KIAA0753: variants seen among roughly 807,000 people sequenced by gnomAD.
KIAA0753 encodes KIAA0753.
KIAA0753 carries 114 observed loss-of-function variants against 116.9 expected under a neutral mutation model. The observed-to-expected ratio is 0.98, with a 90% CI of 0.84 to 1.14. The LOEUF is 1.14. Ranked by LOEUF, KIAA0753 falls within the 50% of genes most tolerant of loss-of-function variation. KIAA0753 has a pLI of 0.00. For synonymous variants in KIAA0753, 405 were observed against 413.1 expected (o/e 0.98, Z 0.24); for missense variants, 1,156 against 1,172.4 (o/e 0.99, Z 0.20).
chr17:6,620,791 C>A lies in KIAA0753; in HGVS notation c.1312G>T (p.Ala438Ser). The A allele has an allele frequency of 6.2e-7, 1 of 1,614,014 alleles. No individual in the cohort carries two copies. Among genetic ancestry groups the A allele is most frequent in the South Asian group, 1.1e-5 (1 of 91,078 alleles). Residue 438 changes from alanine to serine, a missense_variant, in exon 7 of 19, where the codon GCC becomes TCC. Ala to Ser is a moderately conservative substitution (Grantham distance 99). Coordinates refer to ENST00000361413, the MANE Select transcript of KIAA0753 (RefSeq NM_014804.3). ...ATAAACACTTTAAGACACATACCGG[C>A]AAGAAGCTGCTTTGCTACAGAAGGT... Reference protein sequence around the residue: ...SRPSVAKQLLADKYQPDTELP... With the variant: ...SRPSVAKQLLSDKYQPDTELP...
At chr17:6,631,210 G>A (rs1479762226) in intron 2 of KIAA0753, among the ~76,000 whole-genome samples, 1 of 152,098 alleles carries the variant, frequency 6.6e-6, no homozygotes, top group Non-Finnish European at 1.5e-5. Context: ...TCTCAGATAA[G>A]TAACATAACC....
intron 5 of KIAA0753, 142 bp downstream of exon 5, chr17:6,623,367 T>C (rs1171171192): frequency 8.5e-6 from 6 of 706,412 alleles, no homozygotes; most frequent in Non-Finnish European, 1.2e-5. Flanking sequence ...ATTCAGAATA[T>C]GTAAGGTGCT....
At chr17:6,627,475 C>A (rs2150904843) in intron 3 of KIAA0753, among the ~76,000 whole-genome samples, 1 of 152,258 alleles carries the variant, frequency 6.6e-6, no homozygotes, top group Non-Finnish European at 1.5e-5. Context: ...AATCTGAAAG[C>A]TGGGCTTGGT....
chr17:6,607,992 C>A (rs1970299189), intron 10 of KIAA0753, among the ~76,000 whole-genome samples: 1 of 152,212 alleles, frequency 6.6e-6, no homozygotes, highest in Non-Finnish European at 1.5e-5. Context: ...TAGTTAATTA[C>A]ATAACTTCTC....
At chr17:6,583,674 CT>C (rs1469606469) in intron 18 of KIAA0753, among the ~76,000 whole-genome samples, 1 of 152,156 alleles carries the variant, frequency 6.6e-6, no homozygotes, top group South Asian at 2.1e-4. Flanking sequence ...GAAACTTTAT[CT>C]TTCATTCTAG....
intron 18 of KIAA0753, among the ~76,000 whole-genome samples, chr17:6,585,476 T>C (rs953232101): frequency 6.6e-6 from 1 of 152,204 alleles, no homozygotes; most frequent in Non-Finnish European, 1.5e-5. Flanking sequence ...TGCTCCTTTT[T>C]CCTTTTTCCC....
intron 16 of KIAA0753, among the ~76,000 whole-genome samples, chr17:6,594,288 C>CA (rs1555524856): frequency 5.3e-5 from 7 of 133,072 alleles, no homozygotes; most frequent in African/African-American, 2.0e-4. Flanking sequence ...CCCCCCCCCC[C>CA]AGAACTATAG....
intron 18 of KIAA0753, among the ~76,000 whole-genome samples, chr17:6,584,947 A>G (rs1330881549): frequency 1.3e-5 from 2 of 151,804 alleles, no homozygotes; most frequent in African/African-American, 4.8e-5. Flanking sequence ...GACTACAGGC[A>G]TGTACCACCA....
intron 12 of KIAA0753, among the ~76,000 whole-genome samples, chr17:6,605,107 A>AAGC (rs1432626217): frequency 6.6e-6 from 1 of 151,484 alleles, no homozygotes; most frequent in Non-Finnish European, 1.5e-5. Flanking sequence ...AAAAAAAAAA[A>AAGC]AGCAGCAGCT....
rs1281563936 is a variant in KIAA0753 at position 6,578,175 on chromosome 17, T to C, written c.*1572A>G. The C allele has an allele frequency of 6.6e-6, 1 of 152,016 alleles. No individual in the cohort carries two copies. The highest frequency in any genetic ancestry group is 1.5e-5 in the Non-Finnish European group (1 of 68,006). 9.4% of individuals were successfully genotyped at this position (152,016 alleles called of 1,614,324 possible). A position where few individuals can be genotyped will look rare whatever the true frequency, so the allele number is the denominator to read the frequency against. On this transcript the variant is annotated 3_prime_UTR_variant, in exon 19 of 19. Transcript: ENST00000361413. ...GTGCTCAATAAATGTTAGCTTTTAT[T>C]GTCACTAATTTTTTTCTCGGGGGGA... is the stretch of plus-strand genomic sequence containing the variant.
chr17:6,633,823 A>C (rs1329449588), intron 2 of KIAA0753, among the ~76,000 whole-genome samples: 1 of 152,210 alleles, frequency 6.6e-6, no homozygotes, highest in Admixed American at 6.5e-5. Context: ...AAGGTTCTAG[A>C]TCAGGGAAAA....
At chr17:6,586,143 CCTT>C (rs1222633939) in intron 18 of KIAA0753, among the ~76,000 whole-genome samples, 1 of 152,096 alleles carries the variant, frequency 6.6e-6, no homozygotes, top group Non-Finnish European at 1.5e-5. Context: ...CTTGCTTGCT[CCTT>C]CTTTTGCTAT....
chr17:6,628,758 AAAGT>A lies in KIAA0753; in HGVS notation c.94-21_94-18del, dbSNP rs1567587054. 1.3e-6 allele frequency: 2 copies of A among 1,567,354 alleles called. No homozygotes were observed. Among genetic ancestry groups the A allele is most frequent in the East Asian group, 2.2e-5 (1 of 44,478 alleles). On this transcript the variant is annotated intron_variant, in intron 2 of 18. Coordinates refer to ENST00000361413, the MANE Select transcript of KIAA0753 (RefSeq NM_014804.3). ...CAGCTGGTTCTTTAAAAAGCAAATA[AAAGT>A]AAGCAGACATCAGAAAAATTTCATA...
At chr17:6,600,746 C>T (rs563271329) in intron 12 of KIAA0753, among the ~76,000 whole-genome samples, 185 of 152,192 alleles carry the variant, frequency 1.2e-3, no homozygotes, top group African/African-American at 3.8e-3. Context: ...AAGTGTGTAA[C>T]GCACTGAGTA....
At chr17:6,592,141 G>C (rs1036511203) in intron 16 of KIAA0753, among the ~76,000 whole-genome samples, 1 of 152,222 alleles carries the variant, frequency 6.6e-6, no homozygotes, top group South Asian at 2.1e-4. Context: ...GAGGAGGATT[G>C]AGGGGAAGAG....
chr17:6,620,142 T>G (rs1174825838), intron 7 of KIAA0753, among the ~76,000 whole-genome samples: 1 of 152,048 alleles, frequency 6.6e-6, no homozygotes, highest in Non-Finnish European at 1.5e-5. Flanking sequence ...CTAAGGAGCA[T>G]GTGAAGAAAC....
At chr17:6,629,268 G>A (rs985031823) in intron 2 of KIAA0753, among the ~76,000 whole-genome samples, 2 of 152,160 alleles carry the variant, frequency 1.3e-5, no homozygotes, top group Admixed American at 6.5e-5. Flanking sequence ...TCTTACACAG[G>A]CTCAAGTTTT....
chr17:6,612,858 G>A (rs1970646813), intron 7 of KIAA0753, among the ~76,000 whole-genome samples: 1 of 152,054 alleles, frequency 6.6e-6, no homozygotes, highest in African/African-American at 2.4e-5. Context: ...ACAAGAGCGA[G>A]GCTTCATCTC....
At position 6,579,874 on chromosome 17, in the gene KIAA0753, A is replaced by C. The variant is rs758235077; in HGVS notation, c.2787-10T>G. 6.2e-7 allele frequency: 1 copy of C among 1,604,856 alleles called. No homozygotes were observed. The highest frequency in any genetic ancestry group is 1.1e-5 in the South Asian group (1 of 90,934). Reference sequence around the variant, plus strand: ...CAGCTCTTCTGAAAAGCTGGAAGACAAACAACACAACTAAAGGTATGTACA... The same window carrying C: ...CAGCTCTTCTGAAAAGCTGGAAGACCAACAACACAACTAAAGGTATGTACA... On this transcript the variant is annotated splice_polypyrimidine_tract_variant and intron_variant, in intron 18 of 18. Transcript: ENST00000361413.
Sources: allele counts gnomAD v4.1 joint callset (sites outside exome capture counted in the v4.1 genomes callset), GRCh38; gene constraint gnomAD v4.1.1; transcripts MANE v1.5; gene names NCBI Gene and HGNC (gene_info 2026-07-23, HGNC 2026-07-21).